COL1A1: variants seen among roughly 807,000 people sequenced by gnomAD.
COL1A1 encodes the protein collagen type I alpha 1 chain, also known as collagen alpha-1(I) chain.
In COL1A1, 21 loss-of-function variants were observed where a neutral mutation model predicts 195.7. The ratio of observed to expected loss-of-function variants is 0.11; its 90% confidence interval spans 0.08 to 0.15. The LOEUF (loss-of-function observed/expected upper bound fraction) is 0.15, where lower values mean the gene tolerates loss of function less well. Ranked by LOEUF, COL1A1 falls within the 10% of genes least tolerant of loss-of-function variation. COL1A1 has a pLI of 1.00. For missense variants in COL1A1, 1,365 were observed against 2,051.0 expected (o/e 0.67, Z 6.46); for synonymous variants, 749 against 747.3 (o/e 1.00, Z -0.04).
intron 46 of COL1A1, 57 bp downstream of exon 46, chr17:50,187,427 C>A: frequency 6.3e-7 from 1 of 1,590,980 alleles, no homozygotes; most frequent in Non-Finnish European, 8.6e-7. Context: ...TGGCAAGGGT[C>A]CCCGAGGTGA....
chr17:50,196,121 C>T (rs771177331), intron 15 of COL1A1, 34 bp downstream of exon 15: 4 of 1,613,814 alleles, frequency 2.5e-6, no homozygotes, highest in Non-Finnish European at 3.4e-6. Flanking sequence ...CCCCTCCCCA[C>T]TCCCAGGCCC....
rs773343407 is a variant in COL1A1 at position 50,195,961 on chromosome 17, C to T, written c.1018G>A (p.Ala340Thr). The change falls in exon 16 of 51, where the codon GCT becomes ACT. Residue 340 changes from alanine (A) to threonine (T), a missense_variant. By Grantham distance (58) the Ala-to-Thr change is moderately conservative. Transcript: ENST00000225964. This position sits in a 1 kb window ranked among gnomAD's most constrained non-coding sequence, Gnocchi z 4.3. ...GCACCAGGGAAGCCAGGAGGACCAG[C>T]GGGGCCGGTGGGACCCTGTGAATGA... is the stretch of plus-strand genomic sequence containing the variant. ...AAGPPGPTGP[A>T]GPPGFPGAVG... 41 of 1,594,010 alleles carry T rather than the reference C, an allele frequency of 2.6e-5. No homozygotes were observed. Among genetic ancestry groups the T allele is most frequent in the Middle Eastern group, 1.6e-4 (1 of 6,068 alleles).
Position 50,195,304 on chromosome 17 carries a change from A to C in COL1A1, c.1227T>G (p.Pro409=). The change falls in exon 19 of 51, where the codon CCT becomes CCG. Residue 409 remains proline, a synonymous_variant. Coordinates refer to ENST00000225964, the MANE Select transcript of COL1A1 (RefSeq NM_000088.4). The surrounding 1 kb of genome is among the most constrained non-coding windows in gnomAD (Gnocchi z 4.3). Reference sequence around the variant, plus strand: ...AGGGGCCTCGGGCACCAGGGAAGCCAGGAGCACCAGCAATACCAGGAGCAC... The same window carrying C: ...AGGGGCCTCGGGCACCAGGGAAGCCCGGAGCACCAGCAATACCAGGAGCAC... ...ANGAPGIAGA[P]GFPGARGPSG... 6.2e-7 allele frequency: 1 copy of C among 1,613,968 alleles called. No individual in the cohort carries two copies. The highest frequency in any genetic ancestry group is 8.5e-7 in the Non-Finnish European group (1 of 1,179,936).
In COL1A1 at chr17:50,190,182, T is replaced by C. The variant is rs1906953681; in HGVS notation, c.2452-74A>G. On this transcript the variant is annotated intron_variant, in intron 35 of 50. Transcript: ENST00000225964. This position sits in a 1 kb window ranked among gnomAD's most constrained non-coding sequence, Gnocchi z 4.7. ...CCACTACCTGGGGGAGGAGCAGTAA[T>C]GGAGGCAGGAAGATGCTTGGGTGGG... 2.2e-6 allele frequency: 3 copies of C among 1,348,684 alleles called. No individual in the cohort carries two copies. The highest frequency in any genetic ancestry group is 4.6e-5 in the East Asian group (2 of 43,556). The allele number at this position is 1,348,684 out of a possible 1,614,324, so 83.5% of individuals were successfully genotyped here.
Position 50,184,659 on chromosome 17 carries a change from C to G in COL1A1, c.*843G>C, listed in dbSNP as rs895888962. 1.7e-5 allele frequency: 4 copies of G among 232,128 alleles called. No individual in the cohort carries two copies. The highest frequency in any genetic ancestry group is 8.9e-5 in the African/African-American group (4 of 45,160). The allele number at this position is 232,128 out of a possible 1,614,324, so 14.4% of individuals were successfully genotyped here. ...TGGGGAGCCGCTTCCACCCTGCCCC[C>G]ATCCCCGCCCCCAGGCAGTTGCCCC... On this transcript the variant is annotated 3_prime_UTR_variant, in exon 51 of 51. Coordinates refer to ENST00000225964, the MANE Select transcript of COL1A1 (RefSeq NM_000088.4).
rs559590117 is a variant in COL1A1 at position 50,197,059 on chromosome 17, G to A, written c.755C>T (p.Ala252Val). ...GCCAGCTGTTCCGGGCAATCCTCGAGCACCCTGGAGAGAGATGAAGAAGAC... is the reference window on the plus strand; with the variant it reads ...GCCAGCTGTTCCGGGCAATCCTCGAACACCCTGGAGAGAGATGAAGAAGAC... Reference protein sequence around the residue: ...GERGPPGPQGARGLPGTAGLP... With the variant: ...GERGPPGPQGVRGLPGTAGLP... The change falls in exon 11 of 51, where the codon GCT becomes GTT. Residue 252 changes from alanine (A) to valine (V), a missense_variant. By Grantham distance (64) the Ala-to-Val change is moderately conservative. Around this residue, in one of 5 missense-constraint regions of COL1A1, gnomAD observed 226 missense variants for 372.9 expected, o/e 0.61. Transcript: ENST00000225964. The A allele has an allele frequency of 2.5e-6, 4 of 1,614,168 alleles. No individual in the cohort carries two copies. The South Asian group carries it at 4.4e-5, about 18-fold the overall frequency.
Position 50,186,634 on chromosome 17 carries a change from C to G in COL1A1, c.3814+6G>C. ...GAGGGAGGGAGAGGCTAGGGCAGGCCCTCACCACTCTTCCAGTCAGAGTGG... is the reference window on the plus strand; with the variant it reads ...GAGGGAGGGAGAGGCTAGGGCAGGCGCTCACCACTCTTCCAGTCAGAGTGG... On this transcript the variant is annotated splice_donor_region_variant and intron_variant, in intron 48 of 50. Transcript: ENST00000225964. The surrounding 1 kb of genome is among the most constrained non-coding windows in gnomAD (Gnocchi z 5.3). 6.2e-7 allele frequency: 1 copy of G among 1,613,398 alleles called. No individual in the cohort carries two copies. Among genetic ancestry groups the G allele is most frequent in the Admixed American group, 1.7e-5 (1 of 60,008 alleles).
rs112873723 is a variant in COL1A1 at position 50,185,526 on chromosome 17, G to A, written c.4371C>T (p.Asp1457=). The change falls in exon 51 of 51, where the codon GAC becomes GAT. Residue 1457 remains aspartate, a synonymous_variant. Coordinates refer to ENST00000225964, the MANE Select transcript of COL1A1 (RefSeq NM_000088.4). ...VGAPDQEFGF[D]VGPVCFL is the part of the protein sequence containing the mutation. ...TTTACAGGAAGCAGACAGGGCCAAC[G>A]TCGAAGCCGAATTCCTGGTCTGGGG... 1.9e-5 allele frequency: 30 copies of A among 1,613,894 alleles called. No homozygotes were observed. Among genetic ancestry groups the A allele is most frequent in the Middle Eastern group, 1.6e-4 (1 of 6,062 alleles).
In COL1A1 at chr17:50,186,036, G is replaced by C. The variant is rs202122731; in HGVS notation, c.4006-16C>G. On this transcript the variant is annotated splice_polypyrimidine_tract_variant and intron_variant, in intron 49 of 50. Transcript: ENST00000225964. This position sits in a 1 kb window ranked among gnomAD's most constrained non-coding sequence, Gnocchi z 5.3. The stretch of plus-strand genomic sequence containing the variant: ...CATACTCGAACTGCAGGGGAGGGGA[G>C]AGAGGGAAGAGTGAGCCGCTATGCG... 4 of 1,611,472 alleles carry C rather than the reference G, an allele frequency of 2.5e-6. No individual in the cohort carries two copies. Among genetic ancestry groups the C allele is most frequent in the Non-Finnish European group, 2.5e-6 (3 of 1,179,918 alleles).
In COL1A1 at chr17:50,184,954, G is replaced by A; in HGVS notation, c.*548C>T. 2 of 229,084 alleles carry A rather than the reference G, an allele frequency of 8.7e-6. No homozygotes were observed. Among genetic ancestry groups the A allele is most frequent in the Non-Finnish European group, 1.7e-5 (2 of 115,534 alleles). The allele number at this position is 229,084 out of a possible 1,614,324, so 14.2% of individuals were successfully genotyped here. A position where few individuals can be genotyped will look rare whatever the true frequency, so the allele number is the denominator to read the frequency against. On this transcript the variant is annotated 3_prime_UTR_variant, in exon 51 of 51. Coordinates refer to ENST00000225964, the MANE Select transcript of COL1A1 (RefSeq NM_000088.4). ...TGGCAAGGCTTCTTTGGCAGTCTGAGAACCCCAGGTCCCCCAGGGCCTGGG... is the reference window on the plus strand; with the variant it reads ...TGGCAAGGCTTCTTTGGCAGTCTGAAAACCCCAGGTCCCCCAGGGCCTGGG...
At chr17:50,201,033 A>G (rs1908047022) in intron 1 of COL1A1, among the ~76,000 whole-genome samples, 1 of 152,188 alleles carries the variant, frequency 6.6e-6, no homozygotes, top group South Asian at 2.1e-4. Flanking sequence ...TTCCTTATGA[A>G]TCATCCCACG....
chr17:50,193,008 G>A lies in COL1A1; in HGVS notation c.1807C>T (p.Pro603Ser), dbSNP rs1379241991. Residue 603 changes from proline to serine, a missense_variant, in exon 26 of 51, where the codon CCC (proline) becomes TCC (serine). By Grantham distance (74) the Pro-to-Ser change is moderately conservative. Around this residue, in one of 5 missense-constraint regions of COL1A1, gnomAD observed 671 missense variants for 1,099.9 expected, o/e 0.61. Coordinates refer to ENST00000225964, the MANE Select transcript of COL1A1 (RefSeq NM_000088.4). Reference protein sequence around the residue: ...GKAGERGVPGPPGAVGPAGKD... With the variant: ...GKAGERGVPGSPGAVGPAGKD... ...GAGATACTTACGACAGCGCCAGGGG[G>A]TCCGGGAACACCTCGCTCTCCAGCC... 2 of 1,614,136 alleles carry A rather than the reference G, an allele frequency of 1.2e-6. No individual in the cohort carries two copies. The highest frequency in any genetic ancestry group is 2.2e-5 in the East Asian group (1 of 44,880).
chr17:50,196,694 G>A (rs1381012470), intron 11 of COL1A1, 24 bp from the exon 12 acceptor site: 2 of 1,613,876 alleles, frequency 1.2e-6, no homozygotes, highest in East Asian at 2.2e-5. Context: ...GAGGTAGAAG[G>A]TAAGAACCTG....
intron 32 of COL1A1, 116 bp downstream of exon 32, chr17:50,191,267 G>A (rs1398460978): frequency 2.4e-5 from 24 of 1,020,692 alleles, no homozygotes; most frequent in Non-Finnish European, 3.6e-5. Context: ...GGGGAAGAAG[G>A]GAGGATTAGC....
rs777571745 is a variant in COL1A1 at position 50,191,437 on chromosome 17, C to T, written c.2181G>A (p.Gln727=). The change falls in exon 32 of 51, where the codon CAG becomes CAA. Residue 727 remains glutamine, a synonymous_variant. Coordinates refer to ENST00000225964, the MANE Select transcript of COL1A1 (RefSeq NM_000088.4). The part of the protein sequence containing the change: ...APGSQGAPGL[Q]GMPGERGAAG... ...CTGCACCACGTTCACCAGGCATTCC[C>T]TGAAGGCCAGGGGCGCCCTGGCTAC... The T allele has an allele frequency of 3.3e-5, 53 of 1,613,896 alleles. No homozygotes were observed. Among genetic ancestry groups the T allele is most frequent in the Middle Eastern group, 1.6e-4 (1 of 6,084 alleles).
At chr17:50,191,736 T>C in intron 31 of COL1A1, 52 bp downstream of exon 31, 1 of 1,533,884 alleles carries the variant, frequency 6.5e-7, no homozygotes. Context: ...GCAGGAGGGG[T>C]GAGACCTGGT....
intron 25 of COL1A1, chr17:50,193,730 C>T (rs1348490260): frequency 3.4e-6 from 2 of 587,786 alleles, no homozygotes; most frequent in Admixed American, 2.4e-5. Context: ...GTCTGCCCGC[C>T]TTGGCCTCCC....
Position 50,195,155 on chromosome 17 carries a change from C to A in COL1A1, c.1300-55G>T. 6.2e-7 allele frequency: 1 copy of A among 1,607,036 alleles called. No homozygotes were observed. The highest frequency in any genetic ancestry group is 8.5e-7 in the Non-Finnish European group (1 of 1,174,142). On this transcript the variant is annotated intron_variant, in intron 19 of 50. Transcript: ENST00000225964. This position sits in a 1 kb window ranked among gnomAD's most constrained non-coding sequence, Gnocchi z 4.3. The stretch of plus-strand genomic sequence containing the variant: ...GAGTCGGGGGCGCTCAGTTGGCCTG[C>A]GTCTTCCTGCTCCCCAGATGAGAGC...
chr17:50,189,744 G>A lies in COL1A1; in HGVS notation c.2614-12C>T, dbSNP rs1351754802. Reference sequence around the variant, plus strand: ...AAACCAGTAGCACCCTGGAAGGAGAGAACATAGGAACAGTCAGAGGGAGAA... The same window carrying A: ...AAACCAGTAGCACCCTGGAAGGAGAAAACATAGGAACAGTCAGAGGGAGAA... On this transcript the variant is annotated splice_polypyrimidine_tract_variant and intron_variant, in intron 37 of 50. Coordinates refer to ENST00000225964, the MANE Select transcript of COL1A1 (RefSeq NM_000088.4). The surrounding 1 kb of genome is among the most constrained non-coding windows in gnomAD (Gnocchi z 5.5). 1.9e-6 allele frequency: 3 copies of A among 1,613,998 alleles called. No homozygotes were observed. The highest frequency in any genetic ancestry group is 2.5e-6 in the Non-Finnish European group (3 of 1,179,958).
Sources: allele counts gnomAD v4.1 joint callset (sites outside exome capture counted in the v4.1 genomes callset), GRCh38; gene constraint gnomAD v4.1.1; regional missense constraint gnomAD v4.1.1; non-coding constraint Gnocchi (gnomAD v3.1); transcripts MANE v1.5; gene names NCBI Gene and HGNC (gene_info 2026-07-23, HGNC 2026-07-21).